The following MSRA variants were observed in gnomAD, a reference collection of about 807,000 sequenced individuals.
MSRA encodes mitochondrial peptide methionine sulfoxide reductase.
A neutral mutation model predicts 31.3 loss-of-function variants in MSRA; 54 were observed. That is an observed-to-expected ratio of 1.73 (90% CI 1.39 to 2.17). The LOEUF (loss-of-function observed/expected upper bound fraction) is 2.17. MSRA is among the 30% of genes most tolerant of loss of function. MSRA has a pLI of 0.00. For missense variants in MSRA, 507 were observed against 300.9 expected (o/e 1.69, Z -5.07); for synonymous variants, 169 against 116.5 (o/e 1.45, Z -2.90).
chr8:10,339,556 T>TTTTTTTTTTTTC (rs1554531885), intron 5 of MSRA, among the ~76,000 whole-genome samples: 1 of 100,718 alleles, frequency 9.9e-6, no homozygotes, highest in African/African-American at 3.7e-5. Context: ...TTTTTTTTTT[T>TTTTTTTTTTTTC]TCTGAGACGG....
chr8:10,136,334 G>A (rs1353343784), intron 1 of MSRA, among the ~76,000 whole-genome samples: 2 of 152,122 alleles, frequency 1.3e-5, no homozygotes, highest in Non-Finnish European at 2.9e-5. Context: ...GGTGTTCAAG[G>A]CCTAACATTG....
intron 1 of MSRA, among the ~76,000 whole-genome samples, chr8:10,061,988 C>T (rs1585066704): frequency 6.6e-6 from 1 of 152,110 alleles, no homozygotes; most frequent in Non-Finnish European, 1.5e-5. Context: ...TATTGTGAGC[C>T]CCTGCGTTGG....
intron 4 of MSRA, among the ~76,000 whole-genome samples, chr8:10,308,640 C>T (rs570143432): frequency 2.0e-5 from 3 of 152,322 alleles, no homozygotes; most frequent in East Asian, 3.9e-4. Flanking sequence ...ACTTGCCTTT[C>T]CAACTTTGGC....
chr8:10,372,385 C>T (rs914229377), intron 5 of MSRA, among the ~76,000 whole-genome samples: 5 of 152,210 alleles, frequency 3.3e-5, no homozygotes, highest in Non-Finnish European at 7.3e-5. Context: ...AAACAGATTC[C>T]TTCTGCATGT....
chr8:10,217,935 C>T (rs889499512), intron 2 of MSRA, among the ~76,000 whole-genome samples: 1 of 151,830 alleles, frequency 6.6e-6, no homozygotes, highest in Admixed American at 6.6e-5. Flanking sequence ...CTCTCTTTCC[C>T]TTGCTATTTA....
In MSRA at chr8:10,233,617, T is replaced by C. The variant is rs1811683210; in HGVS notation, c.212-11487T>C. On this transcript the variant is annotated intron_variant, in intron 2 of 5. Coordinates refer to ENST00000317173, the MANE Select transcript of MSRA (RefSeq NM_012331.5). ...GGAACTTAGTTAATGTTTTAGTGAA[T>C]AGTTCTGATGCACATAGAGCAGGAA... 1.3e-5 allele frequency among the ~76,000 whole-genome samples: 2 copies of C among 152,224 alleles called. 1 individual carries two copies. Among genetic ancestry groups the C allele is most frequent in the South Asian group, 4.1e-4 (2 of 4,838 alleles).
chr8:10,305,788 G>A (rs559976643), intron 4 of MSRA, among the ~76,000 whole-genome samples: 62 of 152,242 alleles, frequency 4.1e-4, no homozygotes, highest in South Asian at 3.5e-3. Flanking sequence ...TTAAGGTATA[G>A]GTGAGGCCCG....
At chr8:10,344,946 T>G (rs550485157) in intron 5 of MSRA, among the ~76,000 whole-genome samples, 2 of 152,350 alleles carry the variant, frequency 1.3e-5, no homozygotes, top group African/African-American at 2.4e-5. Context: ...TGCATTGTTC[T>G]GTCGATTTTG....
chr8:10,405,107 C>A (rs545592833), intron 5 of MSRA, among the ~76,000 whole-genome samples: 1 of 152,296 alleles, frequency 6.6e-6, no homozygotes, highest in South Asian at 2.1e-4. Flanking sequence ...TCCATGAGAG[C>A]CCAAGTGCAC....
intron 2 of MSRA, among the ~76,000 whole-genome samples, chr8:10,212,805 G>C (rs926539162): frequency 6.6e-6 from 1 of 152,090 alleles, no homozygotes; most frequent in Non-Finnish European, 1.5e-5. Flanking sequence ...CTCAATTACT[G>C]AGAATTGACT....
At chr8:10,338,408 A>C (rs1803197274) in intron 5 of MSRA, among the ~76,000 whole-genome samples, 1 of 152,182 alleles carries the variant, frequency 6.6e-6, no homozygotes, top group Non-Finnish European at 1.5e-5. Context: ...CAGGAGGAAT[A>C]GGGTTTGAGA....
At chr8:10,139,259 A>C (rs1177295714) in intron 1 of MSRA, among the ~76,000 whole-genome samples, 1 of 152,236 alleles carries the variant, frequency 6.6e-6, no homozygotes, top group Non-Finnish European at 1.5e-5. Context: ...TAATCTGTGA[A>C]TAATAAAAGC....
At chr8:10,426,998 C>T (rs1040169837) in intron 5 of MSRA, among the ~76,000 whole-genome samples, 3 of 152,212 alleles carry the variant, frequency 2.0e-5, no homozygotes, top group Non-Finnish European at 4.4e-5. Flanking sequence ...GCTCAGACGG[C>T]GAAACAGAGA....
intron 1 of MSRA, among the ~76,000 whole-genome samples, chr8:10,098,175 A>G (rs1351468918): frequency 1.3e-5 from 2 of 152,152 alleles, no homozygotes; most frequent in African/African-American, 4.8e-5. Context: ...CTATTTCCAT[A>G]TTAGTATTTC....
chr8:10,182,663 A>C (rs1806649183), intron 1 of MSRA, among the ~76,000 whole-genome samples: 1 of 152,198 alleles, frequency 6.6e-6, no homozygotes, highest in African/African-American at 2.4e-5. Context: ...CACATCATGG[A>C]GAATGGGGGA....
At chr8:10,242,021 C>T (rs1414869929) in intron 2 of MSRA, among the ~76,000 whole-genome samples, 1 of 152,148 alleles carries the variant, frequency 6.6e-6, no homozygotes, top group Non-Finnish European at 1.5e-5. Context: ...CCTGTAATCC[C>T]AGCACTTTGG....
At chr8:10,332,451 T>TCCCCCCCCCC (rs373121180) in intron 5 of MSRA, among the ~76,000 whole-genome samples, 8 of 146,504 alleles carry the variant, frequency 5.5e-5, no homozygotes, top group South Asian at 2.2e-4. Flanking sequence ...AAAAGAAAAA[T>TCCCCCCCCCC]CCCCCCTCCC....
At chr8:10,367,643 T>A (rs753600967) in intron 5 of MSRA, among the ~76,000 whole-genome samples, 5 of 152,204 alleles carry the variant, frequency 3.3e-5, no homozygotes, top group Non-Finnish European at 7.3e-5. Flanking sequence ...GTGTTGACTT[T>A]CCCCATGTCA....
chr8:10,249,285 G>C (rs775327896), intron 3 of MSRA, among the ~76,000 whole-genome samples: 4 of 152,174 alleles, frequency 2.6e-5, no homozygotes, highest in African/African-American at 9.7e-5. Context: ...ATGCCTCTCT[G>C]AGATATATAT....
Sources: gnomAD v4.1 joint callset for allele counts (sites outside exome capture counted in the v4.1 genomes callset) on GRCh38, gnomAD v4.1.1 for gene constraint, MANE v1.5 for transcripts, NCBI Gene and HGNC (gene_info 2026-07-23, HGNC 2026-07-21) for gene names.